Variants in BNC2 observed in about 807,000 individuals in gnomAD.
The protein encoded by BNC2 is basonuclin zinc finger protein 2, also known as zinc finger protein basonuclin-2.
Under a neutral mutation model 76.3 loss-of-function variants are expected in BNC2, and 20 were observed. That is an observed-to-expected ratio of 0.26 (90% CI 0.18 to 0.38). The LOEUF (loss-of-function observed/expected upper bound fraction) is 0.38. Among genes scored for constraint, BNC2 ranks in the 10% least tolerant of loss-of-function variants. The pLI is 1.00. For missense variants in BNC2, 1,382 were observed against 1,399.8 expected, an observed-to-expected ratio of 0.99 and a Z score of 0.20; for synonymous variants, 582 against 514.8, an observed-to-expected ratio of 1.13 and a Z score of -1.77.
chr9:16,559,487 G>C (rs1333777580), intron 4 of BNC2, among the ~76,000 whole-genome samples: 1 of 152,152 alleles, frequency 6.6e-6, no homozygotes, highest in East Asian at 1.9e-4. Flanking sequence ...GCTCAATCAG[G>C]TTAGGTAACT....
intron 3 of BNC2, among the ~76,000 whole-genome samples, chr9:16,699,625 C>G (rs940002306): frequency 1.3e-5 from 2 of 152,206 alleles, no homozygotes; most frequent in Admixed American, 1.3e-4. Context: ...TAGCAATCTA[C>G]AATAGTAACA....
chr9:16,716,052 T>C (rs918562230), intron 3 of BNC2, among the ~76,000 whole-genome samples: 3 of 152,206 alleles, frequency 2.0e-5, no homozygotes, highest in African/African-American at 7.2e-5. Flanking sequence ...GGTTCAACAA[T>C]CTTTACATTG....
In BNC2 at chr9:16,552,705, G is replaced by C; in HGVS notation, c.494C>G (p.Ser165Cys). The change falls in exon 5 of 7, where the codon TCC becomes TGC. Residue 165 changes from serine to cysteine, a missense_variant. Coordinates refer to ENST00000380672, the MANE Select transcript of BNC2 (RefSeq NM_017637.6). ...YHPTQVEIVQSNVVFDISSLM... is the reference protein window; with the variant it reads ...YHPTQVEIVQCNVVFDISSLM... ...GCTGCTGATGTCAAACACGACGTTG[G>C]ACTGCACAATCTCCACTTGGGTGGG... 1 of 1,614,182 alleles carries C rather than the reference G, an allele frequency of 6.2e-7. No homozygotes were observed. Among genetic ancestry groups the C allele is most frequent in the Non-Finnish European group, 8.5e-7 (1 of 1,180,036 alleles).
intron 4 of BNC2, among the ~76,000 whole-genome samples, chr9:16,568,051 T>C (rs111626761): frequency 6.6e-6 from 1 of 152,202 alleles, no homozygotes; most frequent in East Asian, 1.9e-4. Context: ...TCTTTTATTT[T>C]GGGAGAAAGC....
chr9:16,825,125 C>T (rs751524018), intron 1 of BNC2, among the ~76,000 whole-genome samples: 8 of 151,676 alleles, frequency 5.3e-5, no homozygotes, highest in East Asian at 3.9e-4. Flanking sequence ...TAAAAATTCT[C>T]GTTAATTTAC....
chr9:16,711,004 G>A (rs916600271), intron 3 of BNC2, among the ~76,000 whole-genome samples: 1 of 152,100 alleles, frequency 6.6e-6, no homozygotes, highest in Admixed American at 6.6e-5. Flanking sequence ...CATGTGTAGA[G>A]TGCAGCTCTT....
At position 16,509,257 on chromosome 9, in the gene BNC2, A is replaced by T. The variant is rs1461167840; in HGVS notation, c.669+43273T>A. Among the ~76,000 whole-genome samples the T allele has an allele frequency of 2.0e-5, 3 of 152,236 alleles. No homozygotes were observed. The East Asian group carries it at 5.8e-4, about 29-fold the overall frequency. On this transcript the variant is annotated intron_variant, in intron 5 of 6. Coordinates refer to ENST00000380672, the MANE Select transcript of BNC2 (RefSeq NM_017637.6). Reference sequence around the variant, plus strand: ...ACCTGGCTCTGGTATCTTCTCTTACAGATCACCTCAACACTTAAATCCTCA... The same window carrying T: ...ACCTGGCTCTGGTATCTTCTCTTACTGATCACCTCAACACTTAAATCCTCA...
At chr9:16,692,863 C>G (rs1262278560) in intron 3 of BNC2, among the ~76,000 whole-genome samples, 1 of 152,018 alleles carries the variant, frequency 6.6e-6, no homozygotes, top group African/African-American at 2.4e-5. Flanking sequence ...GGCGTCGTGG[C>G]TCATGCCTGT....
chr9:16,767,405 G>T (rs982700022), intron 1 of BNC2, among the ~76,000 whole-genome samples: 1 of 152,182 alleles, frequency 6.6e-6, no homozygotes, highest in Non-Finnish European at 1.5e-5. Flanking sequence ...AGGCCCCTAA[G>T]GGCGGTACAT....
intron 3 of BNC2, among the ~76,000 whole-genome samples, chr9:16,631,616 G>T (rs1164924079): frequency 6.6e-6 from 1 of 152,198 alleles, no homozygotes; most frequent in Non-Finnish European, 1.5e-5. Context: ...GGGCTGGTAT[G>T]AACAATCATT....
chr9:16,608,072 C>T (rs768942197), intron 3 of BNC2, among the ~76,000 whole-genome samples: 47 of 152,212 alleles, frequency 3.1e-4, no homozygotes, highest in Non-Finnish European at 5.6e-4. Context: ...ATCAAATTTA[C>T]GTCAGGGGAG....
intron 1 of BNC2, among the ~76,000 whole-genome samples, chr9:16,778,078 T>C (rs141210769): frequency 1.2e-3 from 183 of 152,300 alleles, no homozygotes; most frequent in African/African-American, 4.2e-3. Flanking sequence ...GGTGACTAAA[T>C]GGCAAATGAA....
intron 5 of BNC2, among the ~76,000 whole-genome samples, chr9:16,532,713 T>G (rs748703874): frequency 6.6e-6 from 1 of 152,250 alleles, no homozygotes; most frequent in African/African-American, 2.4e-5. Context: ...CTATTATCTA[T>G]GTTCTTATAA....
chr9:16,766,818 G>A (rs569370504), intron 1 of BNC2, among the ~76,000 whole-genome samples: 4 of 152,366 alleles, frequency 2.6e-5, no homozygotes, highest in Non-Finnish European at 2.9e-5. Flanking sequence ...TTCCTGAAGA[G>A]TCTAGTGTAG....
intron 4 of BNC2, among the ~76,000 whole-genome samples, chr9:16,553,372 G>A (rs1334344730): frequency 6.6e-6 from 1 of 152,116 alleles, no homozygotes; most frequent in African/African-American, 2.4e-5. Context: ...GCTATAGGGG[G>A]TTATCCAAAA....
intron 5 of BNC2, among the ~76,000 whole-genome samples, chr9:16,471,337 A>C (rs1587067874): frequency 1.4e-5 from 2 of 146,470 alleles, no homozygotes; most frequent in Admixed American, 7.0e-5. Context: ...TCTGTTGCCC[A>C]GGCTGGAGTG....
chr9:16,797,046 CA>C (rs1281692626), intron 1 of BNC2, among the ~76,000 whole-genome samples: 1 of 152,072 alleles, frequency 6.6e-6, no homozygotes, highest in African/African-American at 2.4e-5. Context: ...TAATAAAGTG[CA>C]ACAGGAATGA....
At chr9:16,439,200 T>C (rs189469667) in intron 5 of BNC2, among the ~76,000 whole-genome samples, 1 of 152,290 alleles carries the variant, frequency 6.6e-6, no homozygotes, top group Non-Finnish European at 1.5e-5. Context: ...CCTTTATAAA[T>C]TACCCAGTCT....
At chr9:16,840,842 T>A (rs934955015) in intron 1 of BNC2, among the ~76,000 whole-genome samples, 6 of 152,196 alleles carry the variant, frequency 3.9e-5, no homozygotes, top group Admixed American at 6.5e-5. Context: ...TGCACTCAGA[T>A]TGGAAAATAT....
Sources: gnomAD v4.1 joint callset for allele counts (sites outside exome capture counted in the v4.1 genomes callset) on GRCh38, gnomAD v4.1.1 for gene constraint, MANE v1.5 for transcripts, NCBI Gene and HGNC (gene_info 2026-07-23, HGNC 2026-07-21) for gene names.